The following CYP2C19 variants were observed in gnomAD, a reference collection of about 807,000 sequenced individuals.
The protein encoded by CYP2C19 is cytochrome P450 2C19.
Under a neutral mutation model 40.9 loss-of-function variants are expected in CYP2C19, and 59 were observed. That is an observed-to-expected ratio of 1.44 (90% CI 1.17 to 1.79). CYP2C19 has a LOEUF of 1.79. Ranked by LOEUF, CYP2C19 falls within the 40% of genes most tolerant of loss-of-function variation. CYP2C19 has a pLI of 0.00. For synonymous variants in CYP2C19, 253 were observed against 208.7 expected (o/e 1.21, Z -1.83); for missense variants, 754 against 596.9 (o/e 1.26, Z -2.74).
At position 94,827,150 on chromosome 10, in the gene CYP2C19, T is replaced by A. The variant is rs560038806; in HGVS notation, c.961+6513T>A. Among the ~76,000 whole-genome samples, 603 of 151,758 alleles carry A rather than the reference T, an allele frequency of 4.0e-3. 7 individuals carry two copies. The highest frequency in any genetic ancestry group is 0.013 in the African/African-American group (545 of 41,312). On this transcript the variant is annotated intron_variant, in intron 6 of 8. Transcript: ENST00000371321. The stretch of plus-strand genomic sequence containing the variant: ...TTTTTGGTTGTGTCTCTGCCCGGCT[T>A]TGGTATCAGAATGATGCTGGCCTCA...
In CYP2C19 at chr10:94,809,585, C is replaced by A. The variant is rs543482092; in HGVS notation, c.820-10911C>A. Among the ~76,000 whole-genome samples the A allele has an allele frequency of 2.6e-4, 39 of 151,850 alleles. No homozygotes were observed. The South Asian group carries it at 3.3e-3, about 13-fold the overall frequency. On this transcript the variant is annotated intron_variant, in intron 5 of 8. Transcript: ENST00000371321. ...CTTTCTCTTGCCTGATTGCCCTGGT[C>A]AGAACTTCCAATATTATGTTAAATA... is the stretch of plus-strand genomic sequence containing the variant.
Position 94,803,516 on chromosome 10 carries a change from T to C in CYP2C19, c.820-16980T>C, listed in dbSNP as rs111422211. On this transcript the variant is annotated intron_variant, in intron 5 of 8. Transcript: ENST00000371321. ...TGTTCATCTGTGGAATGCAGAGTGG[T>C]CTGGGCTCCCTGCTCAGCCCCAGGG... Among the ~76,000 whole-genome samples, 474 of 152,278 alleles carry C rather than the reference T, an allele frequency of 3.1e-3. 3 individuals are homozygous for C. The highest frequency in any genetic ancestry group is 0.011 in the African/African-American group (451 of 41,566).
At chr10:94,812,966 CT>C (rs1287230523) in intron 5 of CYP2C19, among the ~76,000 whole-genome samples, 4 of 151,294 alleles carry the variant, frequency 2.6e-5, no homozygotes. Flanking sequence ...AATTTTCAGC[CT>C]TTTTGTGCTG....
At chr10:94,818,884 C>A (rs1427815829) in intron 5 of CYP2C19, among the ~76,000 whole-genome samples, 2 of 152,082 alleles carry the variant, frequency 1.3e-5, no homozygotes, top group African/African-American at 4.8e-5. Context: ...CCCTTTATTT[C>A]CTTCTCCTGC....
At chr10:94,806,027 A>T (rs1415944059) in intron 5 of CYP2C19, among the ~76,000 whole-genome samples, 5 of 120,776 alleles carry the variant, frequency 4.1e-5, no homozygotes, top group Non-Finnish European at 8.7e-5. Flanking sequence ...GTAGAACCCC[A>T]CCCCCACCTC....
At chr10:94,849,608 T>C (rs1849621926) in intron 7 of CYP2C19, among the ~76,000 whole-genome samples, 1 of 149,522 alleles carries the variant, frequency 6.7e-6, no homozygotes, top group Admixed American at 6.7e-5. Context: ...ATTAGGTATA[T>C]CTCCTAATGC....
At chr10:94,822,334 A>G (rs1332577845) in intron 6 of CYP2C19, among the ~76,000 whole-genome samples, 1 of 152,126 alleles carries the variant, frequency 6.6e-6, no homozygotes, top group African/African-American at 2.4e-5. Context: ...CCCTGCCCCC[A>G]TGATTAAATT....
At chr10:94,847,785 T>C (rs1589378462) in intron 7 of CYP2C19, among the ~76,000 whole-genome samples, 2 of 152,312 alleles carry the variant, frequency 1.3e-5, no homozygotes, top group East Asian at 3.9e-4. Context: ...TGGTGTGAGA[T>C]GGTATCTCAT....
chr10:94,842,983 G>T lies in CYP2C19; in HGVS notation c.1108G>T (p.Val370Leu). The T allele has an allele frequency of 6.2e-7, 1 of 1,614,204 alleles. No homozygotes were observed. Among genetic ancestry groups the T allele is most frequent in the Non-Finnish European group, 8.5e-7 (1 of 1,180,040 alleles). ...DLIPTSLPHA[V>L]TCDVKFRNYL... Reference sequence around the variant, plus strand: ...CATCCCCACCAGCCTGCCCCATGCAGTGACCTGTGACGTTAAATTCAGAAA... The same window carrying T: ...CATCCCCACCAGCCTGCCCCATGCATTGACCTGTGACGTTAAATTCAGAAA... The change falls in exon 7 of 9, where the codon GTG becomes TTG. Residue 370 changes from valine (V) to leucine (L), a missense_variant. Physicochemically the swap from Val to Leu is conservative, Grantham distance 32 (BLOSUM62 1). Coordinates refer to ENST00000371321, the MANE Select transcript of CYP2C19 (RefSeq NM_000769.4).
intron 1 of CYP2C19, among the ~76,000 whole-genome samples, chr10:94,763,234 A>G (rs1848197004): frequency 6.6e-6 from 1 of 152,136 alleles, no homozygotes; most frequent in African/African-American, 2.4e-5. Context: ...CCTCTACTAT[A>G]TTAGCCATGT....
At chr10:94,839,892 G>A (rs560468461) in intron 6 of CYP2C19, among the ~76,000 whole-genome samples, 41 of 152,270 alleles carry the variant, frequency 2.7e-4, no homozygotes, top group African/African-American at 9.6e-4. Flanking sequence ...CTGGGTTAAG[G>A]GAATTATCAG....
chr10:94,782,990 A>G (rs1848498667), intron 5 of CYP2C19, among the ~76,000 whole-genome samples: 2 of 152,126 alleles, frequency 1.3e-5, no homozygotes, highest in South Asian at 4.1e-4. Flanking sequence ...GGATAACATT[A>G]AGAGAAATAC....
At chr10:94,820,343 C>T (rs56043006) in intron 5 of CYP2C19, among the ~76,000 whole-genome samples, 153 bp from the exon 6 acceptor site, 229 of 151,492 alleles carry the variant, frequency 1.5e-3, no homozygotes, top group Middle Eastern at 0.01. Context: ...GACAGGGATG[C>T]CCTCTCTCAC....
intron 8 of CYP2C19, among the ~76,000 whole-genome samples, chr10:94,851,733 T>A (rs570197990): frequency 1.3e-5 from 2 of 152,160 alleles, no homozygotes; most frequent in South Asian, 4.2e-4. Flanking sequence ...AGGGGAGAAA[T>A]GGCTCCCTTG....
chr10:94,810,524 T>G (rs1848904421), intron 5 of CYP2C19, among the ~76,000 whole-genome samples: 2 of 152,038 alleles, frequency 1.3e-5, no homozygotes, highest in Admixed American at 6.5e-5. Flanking sequence ...CTGGGCTTTT[T>G]TTTGCTTGGT....
chr10:94,824,476 C>T (rs762520367), intron 6 of CYP2C19, among the ~76,000 whole-genome samples: 3 of 152,088 alleles, frequency 2.0e-5, no homozygotes, highest in Non-Finnish European at 2.9e-5. Flanking sequence ...AATACCATTG[C>T]AAATTGCAGA....
chr10:94,774,864 C>G lies in CYP2C19; in HGVS notation c.169-194C>G. The G allele has an allele frequency of 1.1e-5, 7 of 617,986 alleles. No homozygotes were observed. The South Asian group carries it at 1.4e-4, about 13-fold the overall frequency. 38.3% of individuals were successfully genotyped at this position (617,986 alleles called of 1,614,324 possible). A position where few individuals can be genotyped will look rare whatever the true frequency, so the allele number is the denominator to read the frequency against. On this transcript the variant is annotated intron_variant, in intron 1 of 8. Transcript: ENST00000371321. ...CTGTGTAGCAATTGTCTGACCATTG[C>G]CTTGAACATCATAGGCCATCTGAGT... is the stretch of plus-strand genomic sequence containing the variant.
intron 3 of CYP2C19, among the ~76,000 whole-genome samples, chr10:94,779,827 T>C (rs1166894927): frequency 2.6e-5 from 4 of 152,150 alleles, no homozygotes; most frequent in Non-Finnish European, 5.9e-5. Context: ...CCCAAAGTGC[T>C]GGGATTACAG....
chr10:94,847,789 A>G (rs1178917059), intron 7 of CYP2C19, among the ~76,000 whole-genome samples: 1 of 152,142 alleles, frequency 6.6e-6, no homozygotes, highest in Non-Finnish European at 1.5e-5. Flanking sequence ...GTGAGATGGT[A>G]TCTCATTGTG....
Sources: allele counts gnomAD v4.1 joint callset (sites outside exome capture counted in the v4.1 genomes callset), GRCh38; gene constraint gnomAD v4.1.1; transcripts MANE v1.5; gene names NCBI Gene and HGNC (gene_info 2026-07-23, HGNC 2026-07-21).